SLC9A1: variants seen among roughly 807,000 people sequenced by gnomAD.
SLC9A1 encodes the protein solute carrier family 9 member A1.
Under a neutral mutation model 67.9 loss-of-function variants are expected in SLC9A1, and 22 were observed. The observed-to-expected ratio is 0.32, with a 90% CI of 0.23 to 0.46. The LOEUF (loss-of-function observed/expected upper bound fraction) is 0.46. SLC9A1 is among the 20% of genes least tolerant of loss of function. SLC9A1 has a pLI of 1.00. For missense variants in SLC9A1, 686 were observed against 1,094.8 expected (o/e 0.63, Z 5.27); for synonymous variants, 421 against 471.8 (o/e 0.89, Z 1.40).
At chr1:27,115,046 G>C (rs1465605403) in intron 1 of SLC9A1, among the ~76,000 whole-genome samples, 1 of 152,104 alleles carries the variant, frequency 6.6e-6, no homozygotes, top group African/African-American at 2.4e-5. Flanking sequence ...TTTAAAGATG[G>C]GGCAACTAAG....
chr1:27,108,654 A>G (rs1463654605), intron 3 of SLC9A1, among the ~76,000 whole-genome samples: 1 of 152,034 alleles, frequency 6.6e-6, no homozygotes, highest in East Asian at 1.9e-4. Flanking sequence ...GGGTGACAAG[A>G]GTGGGACCCC....
intron 3 of SLC9A1, among the ~76,000 whole-genome samples, chr1:27,108,605 G>C (rs2083206289): frequency 6.6e-6 from 1 of 152,062 alleles, no homozygotes; most frequent in African/African-American, 2.4e-5. Context: ...GAACTCAGAG[G>C]CTGCAATGAG....
intron 3 of SLC9A1, among the ~76,000 whole-genome samples, chr1:27,108,760 CCA>C (rs1326449356): frequency 2.6e-5 from 4 of 152,172 alleles, no homozygotes; most frequent in Non-Finnish European, 5.9e-5. Flanking sequence ...GACACACAAA[CCA>C]CAGTGTCCAA....
At position 27,137,188 on chromosome 1, in the gene SLC9A1, G is replaced by A. The variant is rs1428230027; in HGVS notation, c.352+16795C>T. Among the ~76,000 whole-genome samples, 2 of 152,280 alleles carry A rather than the reference G, an allele frequency of 1.3e-5. No individual in the cohort carries two copies. Among genetic ancestry groups the A allele is most frequent in the Non-Finnish European group, 2.9e-5 (2 of 68,048 alleles). ...CACCAACCACGCAACTGTGTCTGCT[G>A]CATGGTAGGTGCTCAGAGGCAGGCT... On this transcript the variant is annotated intron_variant, in intron 1 of 11. Coordinates refer to ENST00000263980, the MANE Select transcript of SLC9A1 (RefSeq NM_003047.5). This position sits in a 1 kb window ranked among gnomAD's most constrained non-coding sequence, Gnocchi z 4.6.
rs1570843840 is a variant in SLC9A1 at position 27,103,163 on chromosome 1, C to T, written c.1575+60G>A. 4.8e-6 allele frequency: 6 copies of T among 1,246,766 alleles called. No homozygotes were observed. The East Asian group carries it at 9.3e-5, about 19-fold the overall frequency. 77.2% of individuals were successfully genotyped at this position (1,246,766 alleles called of 1,614,324 possible). On this transcript the variant is annotated intron_variant, in intron 6 of 11. Transcript: ENST00000263980. ...TGGGGGGCAGAGACTTGAGGCCCAG[C>T]TGCTCCCTATCTCCCTGTTCCTCCT...
intron 1 of SLC9A1, among the ~76,000 whole-genome samples, chr1:27,131,496 T>G (rs1170623619): frequency 7.7e-6 from 1 of 129,930 alleles, no homozygotes; most frequent in Admixed American, 7.7e-5. Context: ...ATGCCTGTAA[T>G]CCGAGTACTT....
Position 27,145,291 on chromosome 1 carries a change from C to T in SLC9A1, c.352+8692G>A, listed in dbSNP as rs181278128. 1.1e-3 allele frequency among the ~76,000 whole-genome samples: 168 copies of T among 152,314 alleles called. 1 individual carries two copies. The highest frequency in any genetic ancestry group is 3.7e-3 in the African/African-American group (154 of 41,572). The stretch of plus-strand genomic sequence containing the variant: ...CTGTACTTTGCCTCTGCCAGGAGTC[C>T]GCCCAGCCCTGGCAGGCTGGAAGCT... On this transcript the variant is annotated intron_variant, in intron 1 of 11. Transcript: ENST00000263980.
At chr1:27,148,059 G>A (rs2083501737) in intron 1 of SLC9A1, among the ~76,000 whole-genome samples, 1 of 151,758 alleles carries the variant, frequency 6.6e-6, no homozygotes, top group Admixed American at 6.6e-5. Context: ...AAGTCACACA[G>A]CTGGGCAACA....
At chr1:27,131,439 CAAAAAAAA>C (rs35954506) in intron 1 of SLC9A1, among the ~76,000 whole-genome samples, 400 of 27,482 alleles carry the variant, frequency 0.015, 1 homozygote, top group African/African-American at 0.063. Flanking sequence ...ACTAAAAATA[CAAAAAAAA>C]AAAAAAAAAA....
At chr1:27,127,862 C>T (rs552613720) in intron 1 of SLC9A1, among the ~76,000 whole-genome samples, 1 of 152,224 alleles carries the variant, frequency 6.6e-6, no homozygotes, top group South Asian at 2.1e-4. Flanking sequence ...AAAAGAAAGG[C>T]CTGAGTCAAG....
chr1:27,107,818 A>G lies in SLC9A1; in HGVS notation c.1112T>C (p.Ile371Thr), dbSNP rs2124142438. The change falls in exon 4 of 12, where the codon ATC becomes ACC. Residue 371 changes from isoleucine (I) to threonine (T), a missense_variant. Transcript: ENST00000263980. ...GATGGTGGTGTGGGACTTGTGGGAG[A>G]TGTTGGCCTCCACATAGGGGCGCAT... is the stretch of plus-strand genomic sequence containing the variant. ...VVMRPYVEAN[I>T]SHKSHTTIKY... 6.2e-7 allele frequency: 1 copy of G among 1,609,818 alleles called. No homozygotes were observed. The highest frequency in any genetic ancestry group is 1.1e-5 in the South Asian group (1 of 89,858).
At position 27,118,072 on chromosome 1, in the gene SLC9A1, C is replaced by T. The variant is rs6671393; in HGVS notation, c.353-3786G>A. On this transcript the variant is annotated intron_variant, in intron 1 of 11. Transcript: ENST00000263980. The surrounding 1 kb of genome is among the most constrained non-coding windows in gnomAD (Gnocchi z 4.3). ...TCAGCCAGGCCAACCAGGACTGGGT[C>T]CCGGGCCTCCTGACTACAGCACAGC... Among the ~76,000 whole-genome samples the T allele has an allele frequency of 0.015, 2,244 of 152,270 alleles. 18 individuals carry two copies. The highest frequency in any genetic ancestry group is 0.023 in the Non-Finnish European group (1,559 of 68,018).
In SLC9A1 at chr1:27,106,111, T is replaced by TGAGGGTCAGGTC; in HGVS notation, c.1283-36_1283-25dup. On this transcript the variant is annotated intron_variant, in intron 4 of 11. Transcript: ENST00000263980. The surrounding 1 kb of genome is among the most constrained non-coding windows in gnomAD (Gnocchi z 4.3). Reference sequence around the variant, plus strand: ...CCCTGCAGGGGAAGGCAGGGGGTGATGAGGGTCAGGTCGGGCTGTCCCCAG... The same window carrying TGAGGGTCAGGTC: ...CCCTGCAGGGGAAGGCAGGGGGTGATGAGGGTCAGGTCGAGGGTCAGGTCGGGCTGTCCCCAG... The TGAGGGTCAGGTC allele has an allele frequency of 6.5e-7, 1 of 1,548,446 alleles. No homozygotes were observed. Among genetic ancestry groups the TGAGGGTCAGGTC allele is most frequent in the Non-Finnish European group, 8.9e-7 (1 of 1,123,842 alleles).
Position 27,101,663 on chromosome 1 carries a change from G to A in SLC9A1, c.2037+62C>T. Reference sequence around the variant, plus strand: ...CTAGAATGGGTACATTTCCTTAGAGGCTGTGGCGGAGCTTGGGCGAGTGGG... The same window carrying A: ...CTAGAATGGGTACATTTCCTTAGAGACTGTGGCGGAGCTTGGGCGAGTGGG... On this transcript the variant is annotated intron_variant, in intron 10 of 11. Coordinates refer to ENST00000263980, the MANE Select transcript of SLC9A1 (RefSeq NM_003047.5). This position sits in a 1 kb window ranked among gnomAD's most constrained non-coding sequence, Gnocchi z 4.9. 8.5e-7 allele frequency: 1 copy of A among 1,180,858 alleles called. No individual in the cohort carries two copies. The highest frequency in any genetic ancestry group is 1.2e-6 in the Non-Finnish European group (1 of 803,520). 73.1% of individuals were successfully genotyped at this position (1,180,858 alleles called of 1,614,324 possible).
intron 1 of SLC9A1, among the ~76,000 whole-genome samples, chr1:27,148,882 C>A (rs1421569707): frequency 1.3e-5 from 2 of 152,162 alleles, no homozygotes; most frequent in Non-Finnish European, 2.9e-5. Flanking sequence ...AGGTCAGCCA[C>A]CCCTTGTGGC....
chr1:27,114,004 C>T lies in SLC9A1; in HGVS notation c.635G>A (p.Cys212Tyr). The T allele has an allele frequency of 6.2e-7, 1 of 1,614,184 alleles. No homozygotes were observed. Among genetic ancestry groups the T allele is most frequent in the South Asian group, 1.1e-5 (1 of 91,088 alleles). The change falls in exon 2 of 12, where the codon TGC becomes TAC. Residue 212 changes from cysteine (C) to tyrosine (Y), a missense_variant. Cys to Tyr is a radical substitution (Grantham distance 194). This residue lies in a region of SLC9A1 where 49 missense variants were observed against 73.1 expected (regional missense o/e 0.67). Transcript: ENST00000263980. The surrounding 1 kb of genome is among the most constrained non-coding windows in gnomAD (Gnocchi z 5.4). ...FFLGGLMYAVCLVGGEQINNI... is the reference protein window; with the variant it reads ...FFLGGLMYAVYLVGGEQINNI... ...GTTGATCTGCTCACCGCCCACCAGGCACACGGCGTACATGAGGCCGCCCAG... is the reference window on the plus strand; with the variant it reads ...GTTGATCTGCTCACCGCCCACCAGGTACACGGCGTACATGAGGCCGCCCAG...
intron 1 of SLC9A1, among the ~76,000 whole-genome samples, chr1:27,142,746 G>A (rs1040513845): frequency 2.0e-4 from 30 of 152,188 alleles, no homozygotes; most frequent in African/African-American, 1.4e-4. Flanking sequence ...CAGTGTAGGC[G>A]GAGCATGTTG....
intron 3 of SLC9A1, among the ~76,000 whole-genome samples, chr1:27,108,530 T>G (rs550201876): frequency 6.6e-6 from 1 of 152,134 alleles, no homozygotes; most frequent in African/African-American, 2.4e-5. Flanking sequence ...ATACAAAAAT[T>G]AGCCAGGTGT....
chr1:27,131,947 A>AATATATATAT (rs71010329), intron 1 of SLC9A1, among the ~76,000 whole-genome samples: 30 of 52,070 alleles, frequency 5.8e-4, no homozygotes, highest in South Asian at 1.9e-3. Flanking sequence ...AGAAAAAAAA[A>AATATATATAT]ATATATATAT....
Sources: allele counts gnomAD v4.1 joint callset (sites outside exome capture counted in the v4.1 genomes callset), GRCh38; gene constraint gnomAD v4.1.1; regional missense constraint gnomAD v4.1.1; non-coding constraint Gnocchi (gnomAD v3.1); transcripts MANE v1.5; gene names NCBI Gene and HGNC (gene_info 2026-07-23, HGNC 2026-07-21).